The following ATP2B2 variants were observed in gnomAD, a reference collection of about 807,000 sequenced individuals.
ATP2B2 encodes ATPase plasma membrane Ca2+ transporting 2.
A neutral mutation model predicts 120.0 loss-of-function variants in ATP2B2; 15 were observed. The ratio of observed to expected loss-of-function variants is 0.12; its 90% confidence interval spans 0.08 to 0.19. The LOEUF (loss-of-function observed/expected upper bound fraction) is 0.19, where lower values mean the gene tolerates loss of function less well. Ranked by LOEUF, ATP2B2 falls within the 10% of genes least tolerant of loss-of-function variation. The pLI, the probability that ATP2B2 is intolerant of heterozygous loss-of-function variation, is 1.00. For missense variants in ATP2B2, 1,045 were observed against 1,719.8 expected (o/e 0.61, Z 6.94); for synonymous variants, 694 against 700.3 (o/e 0.99, Z 0.14).
intron 1 of ATP2B2, among the ~76,000 whole-genome samples, chr3:10,680,282 C>G (rs1311055188): frequency 1.3e-5 from 2 of 152,098 alleles, no homozygotes; most frequent in East Asian, 1.9e-4. Context: ...GGGCTGGTCT[C>G]AGTTTCCTCC....
intron 1 of ATP2B2, among the ~76,000 whole-genome samples, chr3:10,631,815 T>C (rs1277231823): frequency 6.6e-6 from 1 of 152,230 alleles, no homozygotes; most frequent in African/African-American, 2.4e-5. Context: ...CAGAGCAACA[T>C]TTGGAAAGTG....
intron 3 of ATP2B2, among the ~76,000 whole-genome samples, chr3:10,511,774 C>T (rs960199097): frequency 2.6e-5 from 4 of 152,208 alleles, no homozygotes; most frequent in Admixed American, 1.3e-4. Context: ...ACCTGACACT[C>T]CGCCATTCGT....
At chr3:10,398,443 C>G (rs1204307607) in intron 5 of ATP2B2, among the ~76,000 whole-genome samples, 2 of 152,212 alleles carry the variant, frequency 1.3e-5, no homozygotes, top group Non-Finnish European at 2.9e-5. Context: ...TTGCAGTCAC[C>G]CCTTTCTCAT....
intron 2 of ATP2B2, among the ~76,000 whole-genome samples, chr3:10,553,997 G>A (rs1389789629): frequency 7.7e-6 from 1 of 129,904 alleles, no homozygotes; most frequent in Non-Finnish European, 1.6e-5. Flanking sequence ...ACCCACGTTT[G>A]TTTTCTGGGG....
At chr3:10,650,069 G>A (rs1206660871) in intron 1 of ATP2B2, among the ~76,000 whole-genome samples, 2 of 152,232 alleles carry the variant, frequency 1.3e-5, no homozygotes, top group Non-Finnish European at 2.9e-5. Flanking sequence ...AACTGTGGAA[G>A]CGACTTTGGA....
rs560192715 is a variant in ATP2B2, at chr3:10,345,866, C to T, written c.2511+165G>A. Reference sequence around the variant, plus strand: ...AGAGCAAGAAGCATCCTATGCCTTTCCAGGAAGACCTCGGGGTCAGGCTGA... The same window carrying T: ...AGAGCAAGAAGCATCCTATGCCTTTTCAGGAAGACCTCGGGGTCAGGCTGA... On this transcript the variant is annotated intron_variant, in intron 17 of 22. Transcript: ENST00000360273. Among the ~76,000 whole-genome samples the T allele has an allele frequency of 5.3e-5, 8 of 152,314 alleles. No individual in the cohort carries two copies. In the South Asian group the frequency reaches 1.7e-3, roughly 32 times the overall value.
At chr3:10,372,758 T>C (rs1310507717) in intron 11 of ATP2B2, among the ~76,000 whole-genome samples, 2 of 152,172 alleles carry the variant, frequency 1.3e-5, no homozygotes, top group African/African-American at 4.8e-5. Flanking sequence ...ATAACAAAAA[T>C]GGAATATTCC....
intron 1 of ATP2B2, among the ~76,000 whole-genome samples, chr3:10,683,736 A>ATGTGTGTG (rs1559519993): frequency 5.6e-5 from 7 of 124,222 alleles, no homozygotes; most frequent in African/African-American, 1.5e-4. Context: ...GTGTATATAT[A>ATGTGTGTG]TGTGTATATA....
intron 1 of ATP2B2, among the ~76,000 whole-genome samples, chr3:10,701,922 C>T (rs936998452): frequency 2.0e-5 from 3 of 152,124 alleles, no homozygotes; most frequent in African/African-American, 7.2e-5. Flanking sequence ...TCACCTTCTG[C>T]GAAACATAGT....
chr3:10,345,223 C>T (rs768510286), intron 18 of ATP2B2, among the ~76,000 whole-genome samples, 161 bp downstream of exon 18: 5 of 152,244 alleles, frequency 3.3e-5, no homozygotes, highest in Non-Finnish European at 7.3e-5. Flanking sequence ...TGCACCTGAG[C>T]TCTGTGATGC....
chr3:10,654,446 A>G (rs1367449602), intron 1 of ATP2B2, among the ~76,000 whole-genome samples: 1 of 152,140 alleles, frequency 6.6e-6, no homozygotes, highest in Admixed American at 6.6e-5. Flanking sequence ...CAGGCTGAGC[A>G]TCCGAGTGGA....
chr3:10,634,903 G>T (rs1461179080), intron 1 of ATP2B2, among the ~76,000 whole-genome samples: 1 of 152,178 alleles, frequency 6.6e-6, no homozygotes, highest in Admixed American at 6.5e-5. Flanking sequence ...TTTCTTGAGG[G>T]GCAGGTTTGG....
chr3:10,591,225 G>C (rs927010996), intron 2 of ATP2B2, among the ~76,000 whole-genome samples: 1 of 152,050 alleles, frequency 6.6e-6, no homozygotes, highest in African/African-American at 2.4e-5. Flanking sequence ...GTCCATGCAG[G>C]CACTGGGGAT....
At chr3:10,439,406 A>G (rs2063580821) in intron 2 of ATP2B2, among the ~76,000 whole-genome samples, 1 of 152,150 alleles carries the variant, frequency 6.6e-6, no homozygotes. Context: ...GGGTGGACTG[A>G]GCACCCTTTT....
At chr3:10,440,840 C>T (rs569067661) in intron 2 of ATP2B2, among the ~76,000 whole-genome samples, 47 of 152,336 alleles carry the variant, frequency 3.1e-4, no homozygotes, top group East Asian at 1.3e-3. Context: ...ACTTGTTAGA[C>T]GTGGTGCTCT....
intron 12 of ATP2B2, 35 bp from the exon 13 acceptor site, chr3:10,360,158 G>A: frequency 6.4e-7 from 1 of 1,555,242 alleles, no homozygotes; most frequent in Non-Finnish European, 8.7e-7. Flanking sequence ...GGCACCTGGT[G>A]GGGCCTGTGT....
At chr3:10,475,675 CCATTTTATAGACAGGGAAACTGAGACT>C (rs2065178643) in intron 1 of ATP2B2, among the ~76,000 whole-genome samples, 1 of 152,156 alleles carries the variant, frequency 6.6e-6, no homozygotes, top group Non-Finnish European at 1.5e-5. Flanking sequence ...TCTGCAGTTC[CCATTTTATAGACAGGGAAACTGAGACT>C]CAGAAAGAAA....
intron 2 of ATP2B2, among the ~76,000 whole-genome samples, chr3:10,612,823 T>C (rs1261650791): frequency 2.0e-5 from 3 of 152,258 alleles, no homozygotes; most frequent in African/African-American, 7.2e-5. Flanking sequence ...ACTGGTTATA[T>C]GGTTGTATAA....
At chr3:10,415,562 A>G (rs911124895) in intron 2 of ATP2B2, among the ~76,000 whole-genome samples, 4 of 152,212 alleles carry the variant, frequency 2.6e-5, no homozygotes, top group Non-Finnish European at 5.9e-5. Context: ...GAGGACCTGC[A>G]GGTGGAACAG....
Sources: allele counts gnomAD v4.1 joint callset (sites outside exome capture counted in the v4.1 genomes callset), GRCh38; gene constraint gnomAD v4.1.1; transcripts MANE v1.5; gene names NCBI Gene and HGNC (gene_info 2026-07-23, HGNC 2026-07-21).